Variants in KLHL13 observed in about 807,000 individuals in gnomAD.
KLHL13 encodes kelch like family member 13.
KLHL13 carries 10 observed loss-of-function variants against 37.1 expected under a neutral mutation model. The ratio of observed to expected loss-of-function variants is 0.27; its 90% CI spans 0.17 to 0.46. The LOEUF (loss-of-function observed/expected upper bound fraction) is 0.46, where lower values mean the gene tolerates loss of function less well. Among genes scored for constraint, KLHL13 ranks in the 20% least tolerant of loss-of-function variants. KLHL13 has a pLI of 1.00. For missense variants in KLHL13, 360 were observed against 509.3 expected (o/e 0.71, Z 2.82); for synonymous variants, 163 against 181.2 (o/e 0.90, Z 0.81).
intron 1 of KLHL13, among the ~76,000 whole-genome samples, chrX:118,094,787 A>G (rs1476871266): frequency 9.0e-6 from 1 of 111,177 alleles, no homozygotes; most frequent in East Asian, 2.8e-4. Flanking sequence ...ATCCAGCCAA[A>G]CTAAGCTTCA....
intron 1 of KLHL13, among the ~76,000 whole-genome samples, chrX:118,075,263 T>C (rs2054917080): frequency 9.0e-6 from 1 of 111,525 alleles, no homozygotes; most frequent in Non-Finnish European, 1.9e-5. Context: ...AATTAGCAAG[T>C]GATCAGGTCC....
intron 4 of KLHL13, among the ~76,000 whole-genome samples, chrX:117,912,157 C>A (rs1847254237): frequency 9.0e-6 from 1 of 111,474 alleles, no homozygotes; most frequent in South Asian, 3.8e-4. Flanking sequence ...ATTCACTTCC[C>A]AAGACAAGTA....
At chrX:117,942,351 GTC>G (rs1242614125) in intron 2 of KLHL13, among the ~76,000 whole-genome samples, 1 of 111,308 alleles carries the variant, frequency 9.0e-6, no homozygotes, top group Non-Finnish European at 1.9e-5. Flanking sequence ...GGTCTGCTTG[GTC>G]TAGAGCTGAG....
At chrX:117,965,236 C>A (rs184670685) in intron 1 of KLHL13, among the ~76,000 whole-genome samples, 178 of 111,690 alleles carry the variant, frequency 1.6e-3, no homozygotes, top group Non-Finnish European at 2.6e-3. Flanking sequence ...TCTCCACATG[C>A]TCTCCAGCAC....
chrX:118,002,620 A>G (rs1180121446), intron 1 of KLHL13, among the ~76,000 whole-genome samples: 2 of 106,212 alleles, frequency 1.9e-5, no homozygotes, highest in Non-Finnish European at 3.9e-5. Flanking sequence ...ATAAATAAAT[A>G]AATAAATAAA....
At chrX:118,040,921 T>C (rs1159696027) in intron 1 of KLHL13, among the ~76,000 whole-genome samples, 1 of 111,931 alleles carries the variant, frequency 8.9e-6, no homozygotes, top group Non-Finnish European at 1.9e-5. Flanking sequence ...TTTAAAGTGT[T>C]GAAGGAAAAC....
intron 1 of KLHL13, among the ~76,000 whole-genome samples, chrX:118,033,017 G>A (rs753987513): frequency 8.6e-4 from 96 of 111,138 alleles, no homozygotes; most frequent in Non-Finnish European, 1.7e-3. Flanking sequence ...TGAATGAAAT[G>A]AAGTGAGAAG....
chrX:117,982,816 T>C (rs989228911), intron 1 of KLHL13, among the ~76,000 whole-genome samples: 1 of 111,711 alleles, frequency 9.0e-6, no homozygotes, highest in Non-Finnish European at 1.9e-5. Flanking sequence ...GATTGTCTTC[T>C]TTCTCAGTCC....
intron 1 of KLHL13, among the ~76,000 whole-genome samples, chrX:118,059,454 C>A (rs1419436631): frequency 9.0e-6 from 1 of 111,224 alleles, no homozygotes; most frequent in Admixed American, 9.6e-5. Context: ...CTTAACCCTG[C>A]TATCAACGTA....
At chrX:117,991,774 GAAGA>G (rs1229289551) in intron 1 of KLHL13, among the ~76,000 whole-genome samples, 1 of 109,770 alleles carries the variant, frequency 9.1e-6, no homozygotes, top group East Asian at 2.9e-4. Flanking sequence ...GGGAGGTGGA[GAAGA>G]AAGGAAAATT....
At chrX:117,923,150 T>C (rs1931816493) in intron 2 of KLHL13, among the ~76,000 whole-genome samples, 2 of 112,198 alleles carry the variant, frequency 1.8e-5, no homozygotes, top group African/African-American at 6.5e-5. Flanking sequence ...TCTGCAGTTA[T>C]AAGCAATGCC....
intron 1 of KLHL13, among the ~76,000 whole-genome samples, chrX:118,004,899 G>A (rs1454510740): frequency 1.8e-5 from 2 of 111,512 alleles, no homozygotes; most frequent in African/African-American, 3.3e-5. Context: ...ATAATATCAT[G>A]AGGAACAATT....
intron 1 of KLHL13, among the ~76,000 whole-genome samples, chrX:118,096,167 T>C (rs1191293786): frequency 9.0e-6 from 1 of 111,074 alleles, no homozygotes; most frequent in Non-Finnish European, 1.9e-5. Flanking sequence ...ATCATCAAAA[T>C]TGATAGACTG....
At chrX:118,099,022 A>G (rs2055251331) in intron 1 of KLHL13, among the ~76,000 whole-genome samples, 1 of 103,087 alleles carries the variant, frequency 9.7e-6, no homozygotes, top group Non-Finnish European at 2.0e-5. Flanking sequence ...TGATGAGTTA[A>G]TGGGTGCAGC....
At chrX:118,063,789 A>T (rs2054767302) in intron 1 of KLHL13, among the ~76,000 whole-genome samples, 1 of 111,789 alleles carries the variant, frequency 8.9e-6, no homozygotes, top group Admixed American at 9.5e-5. Context: ...ATAAAGAATT[A>T]AGCTAGATTT....
chrX:118,017,346 T>C (rs2054137638), intron 1 of KLHL13, among the ~76,000 whole-genome samples: 1 of 111,603 alleles, frequency 9.0e-6, no homozygotes, highest in African/African-American at 3.2e-5. Flanking sequence ...AGTAGTGCAA[T>C]GTGAGATTAA....
chrX:117,965,100 C>T (rs1334618961), intron 1 of KLHL13, among the ~76,000 whole-genome samples: 1 of 111,682 alleles, frequency 9.0e-6, no homozygotes, highest in Non-Finnish European at 1.9e-5. Flanking sequence ...TGGGTATATA[C>T]CCAGTAATGG....
At chrX:117,900,997 C>T (rs1248828101) in intron 6 of KLHL13, among the ~76,000 whole-genome samples, 2 of 111,685 alleles carry the variant, frequency 1.8e-5, no homozygotes, top group East Asian at 5.6e-4. Flanking sequence ...TGTGAACAAA[C>T]TATAGCCATT....
chrX:118,040,591 G>T (rs762274773), intron 1 of KLHL13, among the ~76,000 whole-genome samples: 8 of 111,954 alleles, frequency 7.1e-5, no homozygotes, highest in African/African-American at 1.9e-4. Context: ...AAATCTAGGA[G>T]TTATTGGCAT....
Sources: allele counts gnomAD v4.1 joint callset (sites outside exome capture counted in the v4.1 genomes callset), GRCh38; gene constraint gnomAD v4.1.1; transcripts MANE v1.5; gene names NCBI Gene and HGNC (gene_info 2026-07-23, HGNC 2026-07-21).